LDB2: variants seen among roughly 807,000 people sequenced by gnomAD.
The protein encoded by LDB2 is LIM domain binding 2, also known as LIM domain-binding protein 2.
A neutral mutation model predicts 44.3 loss-of-function variants in LDB2; 12 were observed. That is an observed-to-expected ratio of 0.27 (90% CI 0.17 to 0.44). The LOEUF is 0.44. LDB2 is among the 20% of genes least tolerant of loss of function. The pLI, the probability that LDB2 is intolerant of heterozygous loss-of-function variation, is 1.00. For missense variants in LDB2, 344 were observed against 473.5 expected, an observed-to-expected ratio of 0.73 and a Z score of 2.54; for synonymous variants, 164 against 174.8, an observed-to-expected ratio of 0.94 and a Z score of 0.49.
intron 1 of LDB2, among the ~76,000 whole-genome samples, chr4:16,790,459 A>T (rs1179581782): frequency 6.6e-6 from 1 of 152,186 alleles, no homozygotes; most frequent in Non-Finnish European, 1.5e-5. Context: ...TGAGTAGAGG[A>T]AATGATTGAT....
At chr4:16,784,460 G>A (rs1262485653) in intron 1 of LDB2, among the ~76,000 whole-genome samples, 2 of 152,122 alleles carry the variant, frequency 1.3e-5, no homozygotes, top group African/African-American at 4.8e-5. Context: ...CTTCCCAGGG[G>A]CTCAGAGGCT....
intron 2 of LDB2, among the ~76,000 whole-genome samples, chr4:16,648,431 G>A (rs187558374): frequency 6.6e-6 from 1 of 152,326 alleles, no homozygotes; most frequent in East Asian, 1.9e-4. Flanking sequence ...CAGGCATTGT[G>A]TATACATTTT....
At chr4:16,552,987 G>T (rs559803153) in intron 5 of LDB2, among the ~76,000 whole-genome samples, 1 of 152,138 alleles carries the variant, frequency 6.6e-6, no homozygotes, top group Admixed American at 6.5e-5. Flanking sequence ...TCAGCCTCCA[G>T]ATTACCAATC....
chr4:16,731,581 G>C (rs1411587476), intron 2 of LDB2, among the ~76,000 whole-genome samples: 2 of 152,192 alleles, frequency 1.3e-5, no homozygotes, highest in Admixed American at 6.5e-5. Context: ...ATGGAAGTCA[G>C]AAAGAGAGCC....
At chr4:16,580,790 C>T (rs554792790) in intron 5 of LDB2, among the ~76,000 whole-genome samples, 5 of 152,246 alleles carry the variant, frequency 3.3e-5, no homozygotes, top group African/African-American at 1.2e-4. Context: ...TCAATGCCAG[C>T]CTGGAAGTTT....
chr4:16,573,207 A>G (rs936938617), intron 5 of LDB2, among the ~76,000 whole-genome samples: 1 of 152,108 alleles, frequency 6.6e-6, no homozygotes, highest in Non-Finnish European at 1.5e-5. Flanking sequence ...ATAGTTCCTA[A>G]TATATATATA....
intron 2 of LDB2, among the ~76,000 whole-genome samples, chr4:16,617,884 T>C (rs1437459437): frequency 6.6e-6 from 1 of 152,036 alleles, no homozygotes; most frequent in Non-Finnish European, 1.5e-5. Flanking sequence ...ATTGATGGAG[T>C]CCTTTAGATG....
At chr4:16,750,230 C>T (rs1030094209) in intron 2 of LDB2, among the ~76,000 whole-genome samples, 2 of 152,154 alleles carry the variant, frequency 1.3e-5, no homozygotes, top group African/African-American at 2.4e-5. Context: ...CTCTAGTGCA[C>T]CACAGAACTT....
At chr4:16,668,723 C>T (rs547426836) in intron 2 of LDB2, among the ~76,000 whole-genome samples, 117 of 152,322 alleles carry the variant, frequency 7.7e-4, no homozygotes, top group African/African-American at 2.6e-3. Context: ...ACAACCTCAG[C>T]AGAGATGTAT....
At chr4:16,569,748 TG>T (rs1309083354) in intron 5 of LDB2, among the ~76,000 whole-genome samples, 1 of 152,210 alleles carries the variant, frequency 6.6e-6, no homozygotes, top group African/African-American at 2.4e-5. Context: ...TTATTTTATA[TG>T]TGGTAGTTGT....
At chr4:16,546,134 T>C (rs1270925699) in intron 5 of LDB2, among the ~76,000 whole-genome samples, 1 of 152,234 alleles carries the variant, frequency 6.6e-6, no homozygotes, top group Non-Finnish European at 1.5e-5. Flanking sequence ...CAGGCTAGCA[T>C]TTTTTAAGCA....
At chr4:16,815,392 A>C (rs1348975247) in intron 1 of LDB2, among the ~76,000 whole-genome samples, 1 of 152,220 alleles carries the variant, frequency 6.6e-6, no homozygotes, top group African/African-American at 2.4e-5. Context: ...TCCAAGGTTT[A>C]CACAATCCAA....
intron 2 of LDB2, among the ~76,000 whole-genome samples, chr4:16,722,433 C>T (rs930468645): frequency 6.6e-6 from 1 of 152,096 alleles, no homozygotes; most frequent in Non-Finnish European, 1.5e-5. Flanking sequence ...CTCTCAGGAC[C>T]CTTTAGCTCC....
intron 1 of LDB2, among the ~76,000 whole-genome samples, chr4:16,838,115 T>A (rs1410610415): frequency 6.6e-6 from 1 of 152,230 alleles, no homozygotes; most frequent in Non-Finnish European, 1.5e-5. Context: ...CCTGTTTGTA[T>A]GAACAGCAAA....
chr4:16,764,825 C>T (rs1768840647), intron 1 of LDB2, among the ~76,000 whole-genome samples: 1 of 152,176 alleles, frequency 6.6e-6, no homozygotes, highest in African/African-American at 2.4e-5. Flanking sequence ...GCAAGACGGC[C>T]AGCAGGAGGC....
intron 2 of LDB2, among the ~76,000 whole-genome samples, chr4:16,709,431 A>G (rs1755382496): frequency 6.6e-6 from 1 of 152,182 alleles, no homozygotes; most frequent in African/African-American, 2.4e-5. Context: ...TATCATTCAC[A>G]TGAACACATG....
At chr4:16,554,174 A>G (rs1163752617) in intron 5 of LDB2, among the ~76,000 whole-genome samples, 4 of 150,274 alleles carry the variant, frequency 2.7e-5, no homozygotes, top group Non-Finnish European at 5.9e-5. Flanking sequence ...CCTCAGCCTC[A>G]CGAGTAGCTG....
chr4:16,559,748 A>T (rs1741324392), intron 5 of LDB2, among the ~76,000 whole-genome samples: 2 of 152,226 alleles, frequency 1.3e-5, no homozygotes, highest in Middle Eastern at 3.4e-3. Flanking sequence ...TCCACCCCAA[A>T]TCAACAGAAT....
intron 1 of LDB2, 150 bp downstream of exon 1, chr4:16,898,204 A>G (rs1472020250): frequency 1.4e-6 from 1 of 699,000 alleles, no homozygotes; most frequent in Non-Finnish European, 2.3e-6. Flanking sequence ...CCAGCGTCCA[A>G]ACTCGTGGAT....
Sources: allele counts gnomAD v4.1 joint callset (sites outside exome capture counted in the v4.1 genomes callset), GRCh38; gene constraint gnomAD v4.1.1; transcripts MANE v1.5; gene names NCBI Gene and HGNC (gene_info 2026-07-23, HGNC 2026-07-21).